The following CCL28 variants were observed in gnomAD, a reference collection of about 807,000 sequenced individuals.
The protein encoded by CCL28 is C-C motif chemokine ligand 28.
Under a neutral mutation model 7.1 loss-of-function variants are expected in CCL28, and 4 were observed. That is an observed-to-expected ratio of 0.56 (90% CI 0.28 to 1.29). The LOEUF is 1.29. Among genes scored for constraint, CCL28 ranks in the 50% most tolerant of loss-of-function variants. CCL28 has a pLI of 0.11. For synonymous variants in CCL28, 55 were observed against 57.8 expected (o/e 0.95, Z 0.22); for missense variants, 151 against 163.4 (o/e 0.92, Z 0.41).
At position 43,381,778 on chromosome 5, in the gene CCL28, G is replaced by T; in HGVS notation, c.*82C>A. 1 of 1,156,430 alleles carries T rather than the reference G, an allele frequency of 8.6e-7. No homozygotes were observed. The highest frequency in any genetic ancestry group is 1.5e-5 in the South Asian group (1 of 66,804). The allele number at this position is 1,156,430 out of a possible 1,614,324, so 71.6% of individuals were successfully genotyped here. A position where few individuals can be genotyped will look rare whatever the true frequency, so the allele number is the denominator to read the frequency against. Reference sequence around the variant, plus strand: ...GTTTTGTTCTGTTGTCTACAATAAGGAGAATTCAGATGATAAACTTACAAC... The same window carrying T: ...GTTTTGTTCTGTTGTCTACAATAAGTAGAATTCAGATGATAAACTTACAAC... On this transcript the variant is annotated 3_prime_UTR_variant, in exon 3 of 3. Transcript: ENST00000361115.
At chr5:43,382,537 C>T (rs1380898577) in intron 2 of CCL28, among the ~76,000 whole-genome samples, 4 of 152,150 alleles carry the variant, frequency 2.6e-5, no homozygotes, top group African/African-American at 9.7e-5. Flanking sequence ...TGATTCTCCA[C>T]GGTGAGAGTT....
chr5:43,408,526 T>C (rs1215439593), intron 1 of CCL28, among the ~76,000 whole-genome samples: 2 of 152,136 alleles, frequency 1.3e-5, no homozygotes, highest in Admixed American at 6.5e-5. Flanking sequence ...CGTTAGGAGA[T>C]ATACTTATTG....
intron 1 of CCL28, among the ~76,000 whole-genome samples, chr5:43,409,122 A>T (rs775339911): frequency 5.3e-5 from 8 of 152,034 alleles, no homozygotes; most frequent in South Asian, 4.2e-4. Context: ...TACAAGAAAA[A>T]TTTTTTTAAT....
chr5:43,392,659 T>C (rs1740623712), intron 1 of CCL28, among the ~76,000 whole-genome samples: 1 of 152,236 alleles, frequency 6.6e-6, no homozygotes, highest in Admixed American at 6.5e-5. Context: ...CTTTTCATAA[T>C]GTCGTTTTAA....
chr5:43,380,484 C>T lies in CCL28; in HGVS notation c.*1376G>A, dbSNP rs565319778. On this transcript the variant is annotated 3_prime_UTR_variant, in exon 3 of 3. Transcript: ENST00000361115. ...CACGTAGGAAATTCTTAACCAAAAACATTAAACCTGAATTTGATCACAAGA... is the reference window on the plus strand; with the variant it reads ...CACGTAGGAAATTCTTAACCAAAAATATTAAACCTGAATTTGATCACAAGA... 5.3e-5 allele frequency: 8 copies of T among 152,146 alleles called. No individual in the cohort carries two copies. In the East Asian group the frequency reaches 1.4e-3, roughly 26 times the overall value. The allele number at this position is 152,146 out of a possible 1,614,324, so 9.4% of individuals were successfully genotyped here. A position where few individuals can be genotyped will look rare whatever the true frequency, so the allele number is the denominator to read the frequency against.
intron 1 of CCL28, among the ~76,000 whole-genome samples, chr5:43,406,124 G>A (rs1219782599): frequency 6.6e-6 from 1 of 151,964 alleles, no homozygotes; most frequent in African/African-American, 2.4e-5. Context: ...AGAAAAAGAG[G>A]GAATCCTCCC....
intron 2 of CCL28, among the ~76,000 whole-genome samples, chr5:43,383,013 T>C (rs1008881941): frequency 6.6e-5 from 10 of 152,006 alleles, no homozygotes; most frequent in Admixed American, 2.0e-4. Context: ...GAGATGGGGT[T>C]TTACCATGTT....
chr5:43,372,771 T>C (rs1215334956), downstream of CCL28, among the ~76,000 whole-genome samples: 1 of 141,094 alleles, frequency 7.1e-6, no homozygotes, highest in African/African-American at 2.6e-5. Context: ...ATGAACATTC[T>C]TTTTTTTTTT....
intron 1 of CCL28, among the ~76,000 whole-genome samples, chr5:43,391,976 G>T (rs1339411408): frequency 1.3e-5 from 2 of 152,080 alleles, no homozygotes; most frequent in Non-Finnish European, 2.9e-5. Flanking sequence ...ATGTCTCCTT[G>T]GGGCTTGTGT....
chr5:43,360,442 G>A, the CCL28 span, among the ~76,000 whole-genome samples: 1 of 152,020 alleles, frequency 6.6e-6, no homozygotes, highest in African/African-American at 2.4e-5. Context: ...CCTCAGGTAG[G>A]CCCCATGTCT....
chr5:43,400,912 T>C (rs1485832846), intron 1 of CCL28, among the ~76,000 whole-genome samples: 1 of 151,498 alleles, frequency 6.6e-6, no homozygotes, highest in Admixed American at 6.6e-5. Flanking sequence ...TGAAACCCCG[T>C]CTCTACTAAA....
chr5:43,374,885 G>A (rs1349244591), downstream of CCL28, among the ~76,000 whole-genome samples: 1 of 152,052 alleles, frequency 6.6e-6, no homozygotes, highest in Admixed American at 6.6e-5. Context: ...TTCAAAGAAT[G>A]AGTGAAGCAT....
intron 2 of CCL28, among the ~76,000 whole-genome samples, chr5:43,386,405 G>A (rs1352644957): frequency 6.6e-6 from 1 of 152,210 alleles, no homozygotes; most frequent in African/African-American, 2.4e-5. Context: ...TGCCACAGAT[G>A]ATGCTGGTTC....
At chr5:43,367,800 C>T in the CCL28 span, among the ~76,000 whole-genome samples, 2 of 152,228 alleles carry the variant, frequency 1.3e-5, no homozygotes, top group African/African-American at 4.8e-5. Flanking sequence ...CAGGCCCTAG[C>T]TGTTCCTATT....
In CCL28 at chr5:43,379,730, T is replaced by G. The variant is rs1328612549; in HGVS notation, c.*2130A>C. On this transcript the variant is annotated 3_prime_UTR_variant, in exon 3 of 3. Coordinates refer to ENST00000361115, the MANE Select transcript of CCL28 (RefSeq NM_148672.3). ...TGATAAAGTGGCTCCTGCTCTCTAT[T>G]GGCTTCTTATGAACACTACTGGGCT... 2.0e-5 allele frequency: 3 copies of G among 152,192 alleles called. No homozygotes were observed. Among genetic ancestry groups the G allele is most frequent in the African/African-American group, 7.2e-5 (3 of 41,436 alleles). 9.4% of individuals were successfully genotyped at this position (152,192 alleles called of 1,614,324 possible).
At chr5:43,377,453 C>T (rs1341485303), downstream of CCL28, 1 of 140,788 alleles carries the variant, frequency 7.1e-6, no homozygotes. Flanking sequence ...GATCCTGCCA[C>T]TGCCCTCCAG....
chr5:43,378,008 A>G (rs1739954202), downstream of CCL28, among the ~76,000 whole-genome samples: 1 of 131,824 alleles, frequency 7.6e-6, no homozygotes, highest in South Asian at 2.3e-4. Flanking sequence ...CTGGGATTAC[A>G]GGCGTGAGCC....
intron 1 of CCL28, among the ~76,000 whole-genome samples, chr5:43,407,243 T>C (rs184855435): frequency 1.3e-5 from 2 of 152,230 alleles, no homozygotes; most frequent in Admixed American, 1.3e-4. Flanking sequence ...CTTCAAACTA[T>C]ACTACAAGGC....
intron 2 of CCL28, among the ~76,000 whole-genome samples, chr5:43,386,109 G>A (rs1431857729): frequency 6.6e-6 from 1 of 152,180 alleles, no homozygotes; most frequent in Non-Finnish European, 1.5e-5. Context: ...GAATTGAGAG[G>A]AGTTGAAAAT....
Sources: gnomAD v4.1 joint callset for allele counts (sites outside exome capture counted in the v4.1 genomes callset) on GRCh38, gnomAD v4.1.1 for gene constraint, MANE v1.5 for transcripts, NCBI Gene and HGNC (gene_info 2026-07-23, HGNC 2026-07-21) for gene names.